Variants in BORCS5 observed in about 807,000 individuals in gnomAD.
The protein encoded by BORCS5 is BLOC-1 related complex subunit 5, also known as BLOC-1-related complex subunit 5.
A neutral mutation model predicts 22.1 loss-of-function variants in BORCS5; 17 were observed. The observed-to-expected ratio is 0.77, with a 90% confidence interval of 0.53 to 1.15. The LOEUF (loss-of-function observed/expected upper bound fraction) is 1.15. Among genes scored for constraint, BORCS5 ranks in the 50% most tolerant of loss-of-function variants. The pLI is 0.00. For missense variants in BORCS5, 247 were observed against 253.2 expected, an observed-to-expected ratio of 0.98 and a Z score of 0.17; for synonymous variants, 117 against 99.8, an observed-to-expected ratio of 1.17 and a Z score of -1.03.
At chr12:12,382,159 C>T (rs1005607179) in intron 2 of BORCS5, among the ~76,000 whole-genome samples, 1 of 151,408 alleles carries the variant, frequency 6.6e-6, no homozygotes. Context: ...TTATTTGGCT[C>T]ACAGTTCTGC....
chr12:12,375,441 T>C (rs546078777), intron 2 of BORCS5, among the ~76,000 whole-genome samples: 4 of 152,252 alleles, frequency 2.6e-5, no homozygotes, highest in South Asian at 4.1e-4. Context: ...CTGGGCAACA[T>C]AGACCTCATT....
rs12369319 is a variant in BORCS5 at position 12,469,091 on chromosome 12, A to G, written c.*3315A>G. 48,367 of 152,094 alleles carry G rather than the reference A, an allele frequency of 0.32. 7,983 individuals are homozygous for G. Among genetic ancestry groups the G allele is most frequent in the Non-Finnish European group, 0.35 (23,782 of 67,996 alleles). 9.4% of individuals were successfully genotyped at this position (152,094 alleles called of 1,614,324 possible). ...GTTTAGGCCGGGCGCGGTGGCTCAC[A>G]CCTGTAATCCCAGCACTTTGGGAGG... On this transcript the variant is annotated 3_prime_UTR_variant, in exon 4 of 4. Transcript: ENST00000314565.
chr12:12,397,535 C>G lies in BORCS5; in HGVS notation c.202+36186C>G, dbSNP rs143072194. Among the ~76,000 whole-genome samples, 1,212 of 152,298 alleles carry G rather than the reference C, an allele frequency of 8.0e-3. 10 individuals carry two copies. The highest frequency in any genetic ancestry group is 0.02 in the Middle Eastern group (6 of 294). ...GAGCTAGGGAATAATATCATTCCCA[C>G]TTGTACCTTTTAATTAACAGAGGAG... On this transcript the variant is annotated intron_variant, in intron 2 of 3. Coordinates refer to ENST00000314565, the MANE Select transcript of BORCS5 (RefSeq NM_058169.6).
intron 3 of BORCS5, among the ~76,000 whole-genome samples, chr12:12,438,501 T>C (rs1942614366): frequency 6.6e-6 from 1 of 152,202 alleles, no homozygotes. Context: ...GTTTTGTAGC[T>C]GGAAGTACCA....
At chr12:12,415,933 A>T (rs1941937347) in intron 2 of BORCS5, among the ~76,000 whole-genome samples, 1 of 152,266 alleles carries the variant, frequency 6.6e-6, no homozygotes, top group Non-Finnish European at 1.5e-5. Context: ...GGTGGAACTC[A>T]CCTGTGAAAC....
At chr12:12,422,101 ATTTG>A (rs915049893) in intron 2 of BORCS5, among the ~76,000 whole-genome samples, 88 of 151,680 alleles carry the variant, frequency 5.8e-4, no homozygotes, top group African/African-American at 2.0e-3. Context: ...TAGCTTTTGA[ATTTG>A]TTTGTTCTTG....
rs77433425 is a variant in BORCS5, at chr12:12,450,516, T to A, written c.360+14731T>A. 6.9e-3 allele frequency among the ~76,000 whole-genome samples: 1,052 copies of A among 152,342 alleles called. 10 individuals are homozygous for A. Among genetic ancestry groups the A allele is most frequent in the African/African-American group, 0.024 (1,006 of 41,560 alleles). ...TTTTGTCTGGTAATTTATTATTTTT[T>A]TTATTAGAAAAGTAAACACCAAAGT... On this transcript the variant is annotated intron_variant, in intron 3 of 3. Transcript: ENST00000314565.
At chr12:12,445,529 C>CTTTTTTTTTTTTT (rs56356376) in intron 3 of BORCS5, among the ~76,000 whole-genome samples, 1 of 39,010 alleles carries the variant, frequency 2.6e-5, no homozygotes, top group Non-Finnish European at 4.3e-5. Context: ...TTTGAAATAC[C>CTTTTTTTTTTTTT]TTTTTTTTTT....
rs1055791385 is a variant in BORCS5, at chr12:12,394,373, T to G, written c.202+33024T>G. On this transcript the variant is annotated intron_variant, in intron 2 of 3. Transcript: ENST00000314565. ...AAACCAATAGGCCTCTGAGGCAGTC[T>G]GAAGGGCTTCCTGTTATTAAAATAC... is the stretch of plus-strand genomic sequence containing the variant. Among the ~76,000 whole-genome samples the G allele has an allele frequency of 7.9e-5, 12 of 151,944 alleles. No homozygotes were observed. In the East Asian group the frequency reaches 2.1e-3, roughly 27 times the overall value.
At chr12:12,392,519 TC>T (rs1941221332) in intron 2 of BORCS5, among the ~76,000 whole-genome samples, 1 of 152,080 alleles carries the variant, frequency 6.6e-6, no homozygotes, top group Admixed American at 6.6e-5. Context: ...AACAGTCAGA[TC>T]CAGATTAAGA....
intron 2 of BORCS5, among the ~76,000 whole-genome samples, chr12:12,412,935 T>C (rs1941780491): frequency 7.1e-6 from 1 of 140,310 alleles, no homozygotes; most frequent in Non-Finnish European, 1.5e-5. Context: ...TATTGATAAT[T>C]CTTGGGTGTT....
At chr12:12,418,338 T>C (rs1458083561) in intron 2 of BORCS5, among the ~76,000 whole-genome samples, 1 of 151,958 alleles carries the variant, frequency 6.6e-6, no homozygotes, top group African/African-American at 2.4e-5. Flanking sequence ...ACACCCGGCC[T>C]GAACCTTTTA....
chr12:12,403,075 T>G (rs76407719), intron 2 of BORCS5, among the ~76,000 whole-genome samples: 10 of 152,208 alleles, frequency 6.6e-5, no homozygotes, highest in African/African-American at 2.2e-4. Flanking sequence ...TTTTTTTTTT[T>G]GCACAAAAGT....
chr12:12,435,956 A>G lies in BORCS5; in HGVS notation c.360+171A>G, dbSNP rs527687523. 7.1e-5 allele frequency: 43 copies of G among 602,056 alleles called. No individual in the cohort carries two copies. The Admixed American group carries it at 1.5e-3, about 20-fold the overall frequency. The allele number at this position is 602,056 out of a possible 1,614,324, so 37.3% of individuals were successfully genotyped here. ...GGTCCACAGAGCTGGGCTAATTTAG[A>G]GTTTGAATTCTGATCACCACTGATT... On this transcript the variant is annotated intron_variant, in intron 3 of 3. Transcript: ENST00000314565.
At chr12:12,377,396 C>G (rs1012341211) in intron 2 of BORCS5, among the ~76,000 whole-genome samples, 11 of 152,050 alleles carry the variant, frequency 7.2e-5, no homozygotes, top group Admixed American at 1.3e-4. Flanking sequence ...CCAGGCTGGT[C>G]TCAAACTCCT....
chr12:12,359,647 C>T (rs1006365437), intron 1 of BORCS5, among the ~76,000 whole-genome samples: 10 of 149,870 alleles, frequency 6.7e-5, no homozygotes, highest in South Asian at 2.1e-4. Context: ...CAGGCGTGAG[C>T]CACCGTGCCC....
At chr12:12,416,959 T>TTTTTTTTG (rs1220718767) in intron 2 of BORCS5, among the ~76,000 whole-genome samples, 1 of 150,350 alleles carries the variant, frequency 6.7e-6, no homozygotes, top group Non-Finnish European at 1.5e-5. Flanking sequence ...TTTTTGTATT[T>TTTTTTTTG]TTTTTTTTTT....
intron 3 of BORCS5, among the ~76,000 whole-genome samples, chr12:12,448,858 C>T (rs1050836770): frequency 1.3e-5 from 2 of 152,176 alleles, no homozygotes; most frequent in Admixed American, 6.5e-5. Flanking sequence ...CTTATTCTTT[C>T]ATCCTGTCTC....
chr12:12,469,965 G>A lies in BORCS5; in HGVS notation c.*4189G>A, dbSNP rs1943264566. On this transcript the variant is annotated 3_prime_UTR_variant, in exon 4 of 4. Coordinates refer to ENST00000314565, the MANE Select transcript of BORCS5 (RefSeq NM_058169.6). ...TGTTCACTAACTTACCATAAATCAG[G>A]GGTCTCCAAACCCCAGGCCACAGAC... Among the ~76,000 whole-genome samples the A allele has an allele frequency of 6.6e-6, 1 of 152,102 alleles. No homozygotes were observed. The highest frequency in any genetic ancestry group is 2.4e-5 in the African/African-American group (1 of 41,402).
Sources: gnomAD v4.1 joint callset for allele counts (sites outside exome capture counted in the v4.1 genomes callset) on GRCh38, gnomAD v4.1.1 for gene constraint, MANE v1.5 for transcripts, NCBI Gene and HGNC (gene_info 2026-07-23, HGNC 2026-07-21) for gene names.